AFF3: variants seen among roughly 807,000 people sequenced by gnomAD.
AFF3 encodes the protein AF4/FMR2 family member 3.
A neutral mutation model predicts 129.7 loss-of-function variants in AFF3; 32 were observed. The observed-to-expected ratio is 0.25, with a 90% CI of 0.19 to 0.33. The LOEUF (loss-of-function observed/expected upper bound fraction) is 0.33, where lower values mean the gene tolerates loss of function less well. Ranked by LOEUF, AFF3 falls within the 10% of genes least tolerant of loss-of-function variation. The probability of loss-of-function intolerance (pLI) is 1.00; values close to 1 mark genes in which losing one functional copy is unlikely to be tolerated. For synonymous variants in AFF3, 644 were observed against 635.4 expected (o/e 1.01, Z -0.20); for missense variants, 1,373 against 1,592.0 (o/e 0.86, Z 2.34).
At chr2:99,815,286 T>C (rs1451884729) in intron 8 of AFF3, among the ~76,000 whole-genome samples, 41 of 152,240 alleles carry the variant, frequency 2.7e-4, no homozygotes, top group Admixed American at 2.7e-3. Flanking sequence ...TAACCATTTC[T>C]AGGTGTACAG....
chr2:99,795,336 T>C (rs114883626), intron 8 of AFF3, among the ~76,000 whole-genome samples: 2,207 of 151,988 alleles, frequency 0.015, 25 homozygotes, highest in Middle Eastern at 0.031. Context: ...AACTAAATAA[T>C]GTGCACACAT....
chr2:99,878,944 A>C (rs891499086), intron 7 of AFF3, among the ~76,000 whole-genome samples: 7 of 152,210 alleles, frequency 4.6e-5, no homozygotes, highest in African/African-American at 1.7e-4. Context: ...TTAGAAAAAA[A>C]ACAACTAGAT....
intron 7 of AFF3, among the ~76,000 whole-genome samples, chr2:99,855,664 T>A (rs565242200): frequency 2.0e-5 from 3 of 152,296 alleles, no homozygotes; most frequent in Admixed American, 6.5e-5. Flanking sequence ...AGGATAAATA[T>A]CTTGCGCATA....
chr2:99,635,784 C>T (rs982052241), intron 13 of AFF3, among the ~76,000 whole-genome samples: 16 of 152,118 alleles, frequency 1.1e-4, no homozygotes, highest in South Asian at 2.1e-4. Context: ...AGTTTCCCCA[C>T]ATGTAAAATA....
At chr2:100,060,513 C>T (rs188204642) in intron 4 of AFF3, among the ~76,000 whole-genome samples, 2 of 152,204 alleles carry the variant, frequency 1.3e-5, no homozygotes, top group Admixed American at 1.3e-4. Flanking sequence ...ACAGGTGTTG[C>T]TGAAATACAG....
chr2:100,007,259 A>G lies in AFF3; in HGVS notation c.376T>C (p.Cys126Arg). The change falls in exon 6 of 25, where the codon TGT (cysteine) becomes CGT (arginine). Residue 126 changes from cysteine to arginine, a missense_variant. Cys to Arg is a radical substitution (Grantham distance 180). Around this residue, in one of 9 missense-constraint regions of AFF3, gnomAD observed 255 missense variants for 256.0 expected, o/e 1.00. Transcript: ENST00000672756. Reference sequence around the variant, plus strand: ...GCTGGTGTGGAAGTTGTAGTGCTACAGATAGACGAGGGCTGGTTCTGGGCT... The same window carrying G: ...GCTGGTGTGGAAGTTGTAGTGCTACGGATAGACGAGGGCTGGTTCTGGGCT... ...SRAQNQPSSI[C>R]STTTSTPAAV... The G allele has an allele frequency of 6.2e-7, 1 of 1,614,144 alleles. No homozygotes were observed. Among genetic ancestry groups the G allele is most frequent in the Non-Finnish European group, 8.5e-7 (1 of 1,180,030 alleles).
At chr2:99,805,180 T>A (rs1686244904) in intron 8 of AFF3, among the ~76,000 whole-genome samples, 1 of 152,236 alleles carries the variant, frequency 6.6e-6, no homozygotes, top group South Asian at 2.1e-4. Context: ...GCTGATGTTT[T>A]GGTAAATCCA....
intron 4 of AFF3, among the ~76,000 whole-genome samples, chr2:100,061,340 A>T (rs567393952): frequency 3.7e-4 from 57 of 152,188 alleles, no homozygotes; most frequent in African/African-American, 1.3e-3. Flanking sequence ...ATAAAACAAC[A>T]TGCCAAGTGA....
At chr2:99,798,627 C>T (rs1685715163) in intron 8 of AFF3, among the ~76,000 whole-genome samples, 1 of 151,816 alleles carries the variant, frequency 6.6e-6, no homozygotes, top group South Asian at 2.1e-4. Context: ...ATATATATTA[C>T]ATGCTAACAT....
At chr2:99,613,551 T>A (rs898953594) in intron 13 of AFF3, among the ~76,000 whole-genome samples, 1 of 152,204 alleles carries the variant, frequency 6.6e-6, no homozygotes, top group Non-Finnish European at 1.5e-5. Flanking sequence ...TGGTATCTAT[T>A]ATATTACTTC....
intron 14 of AFF3, among the ~76,000 whole-genome samples, chr2:99,596,925 A>G (rs536451864): frequency 6.6e-6 from 1 of 152,252 alleles, no homozygotes; most frequent in South Asian, 2.1e-4. Context: ...ATAACCTCCT[A>G]TTGCCTCTCA....
chr2:99,673,731 C>T (rs568899662), intron 11 of AFF3, among the ~76,000 whole-genome samples: 2 of 152,236 alleles, frequency 1.3e-5, no homozygotes, highest in South Asian at 2.1e-4. Flanking sequence ...CTTTAAAAGC[C>T]GGTTGTAGGC....
chr2:99,949,048 C>A (rs571801773), intron 7 of AFF3, among the ~76,000 whole-genome samples: 12 of 152,232 alleles, frequency 7.9e-5, no homozygotes, highest in Admixed American at 7.2e-4. Flanking sequence ...GGGGTAAATC[C>A]ATGGATTTGG....
chr2:99,987,049 T>G (rs1227531913), intron 7 of AFF3, among the ~76,000 whole-genome samples: 1 of 152,182 alleles, frequency 6.6e-6, no homozygotes. Flanking sequence ...TTGCTCTAAG[T>G]GGCTTCCCAG....
intron 18 of AFF3, among the ~76,000 whole-genome samples, chr2:99,569,173 G>C (rs1209543090): frequency 6.6e-6 from 1 of 151,876 alleles, no homozygotes; most frequent in Non-Finnish European, 1.5e-5. Context: ...GGCCCCCTAG[G>C]GCCTAATTTG....
intron 11 of AFF3, among the ~76,000 whole-genome samples, chr2:99,678,856 T>C (rs187197709): frequency 1.3e-5 from 2 of 152,352 alleles, no homozygotes; most frequent in East Asian, 1.9e-4. Context: ...GGGAAAGTTA[T>C]ACAACTCATT....
intron 8 of AFF3, among the ~76,000 whole-genome samples, chr2:99,768,626 G>C (rs746174696): frequency 6.6e-6 from 1 of 152,152 alleles, no homozygotes; most frequent in African/African-American, 2.4e-5. Flanking sequence ...GCTCATTAAT[G>C]TCTTTTTCTT....
intron 10 of AFF3, among the ~76,000 whole-genome samples, chr2:99,731,333 G>A (rs980355573): frequency 6.6e-6 from 1 of 152,148 alleles, no homozygotes; most frequent in African/African-American, 2.4e-5. Context: ...AAGAGGCAAG[G>A]TATTTAATAG....
intron 7 of AFF3, among the ~76,000 whole-genome samples, chr2:100,000,815 C>T (rs576382276): frequency 5.9e-5 from 9 of 152,296 alleles, no homozygotes; most frequent in Admixed American, 5.9e-4. Context: ...AGGTGGCAGG[C>T]CCAGTTCTTG....
Sources: allele counts gnomAD v4.1 joint callset (sites outside exome capture counted in the v4.1 genomes callset), GRCh38; gene constraint gnomAD v4.1.1; regional missense constraint gnomAD v4.1.1; transcripts MANE v1.5; gene names NCBI Gene and HGNC (gene_info 2026-07-23, HGNC 2026-07-21).